ATP6V1B1: variants seen among roughly 807,000 people sequenced by gnomAD.
ATP6V1B1 encodes ATPase H+ transporting V1 subunit B1, also known as V-type proton ATPase subunit B, kidney isoform.
ATP6V1B1 carries 41 observed loss-of-function variants against 62.1 expected under a neutral mutation model. That is an observed-to-expected ratio of 0.66 (90% CI 0.51 to 0.86). The LOEUF is 0.86. Ranked by LOEUF, ATP6V1B1 falls within the 40% of genes least tolerant of loss-of-function variation. ATP6V1B1 has a pLI of 0.00. For synonymous variants in ATP6V1B1, 253 were observed against 273.4 expected (o/e 0.93, Z 0.74); for missense variants, 651 against 697.5 (o/e 0.93, Z 0.75).
rs1680649392 is a variant in ATP6V1B1, at chr2:70,963,887, T to C, written c.1143+233T>C. On this transcript the variant is annotated intron_variant, in intron 11 of 13. Transcript: ENST00000234396. The surrounding 1 kb of genome is among the most constrained non-coding windows in gnomAD (Gnocchi z 4.3). The stretch of plus-strand genomic sequence containing the variant: ...TAATTTCATCTCTTGGATCCTAGGT[T>C]TCCTCATCCATAAAATGGGAATAAT... Among the ~76,000 whole-genome samples the C allele has an allele frequency of 6.6e-6, 1 of 152,216 alleles. No homozygotes were observed.
At chr2:70,954,922 A>C (rs1680400061) in intron 2 of ATP6V1B1, among the ~76,000 whole-genome samples, 1 of 152,204 alleles carries the variant, frequency 6.6e-6, no homozygotes, top group African/African-American at 2.4e-5. Flanking sequence ...TATGGGGCTT[A>C]GATCTCTTGG....
chr2:70,952,721 T>C (rs1680348604), intron 2 of ATP6V1B1, among the ~76,000 whole-genome samples: 1 of 152,218 alleles, frequency 6.6e-6, no homozygotes, highest in African/African-American at 2.4e-5. Context: ...TCTGCATCTA[T>C]ATTAATAAGA....
intron 2 of ATP6V1B1, among the ~76,000 whole-genome samples, chr2:70,947,094 G>A (rs1262365019): frequency 1.3e-5 from 2 of 152,106 alleles, no homozygotes; most frequent in Admixed American, 6.5e-5. Context: ...TCAAATGTAA[G>A]AACATTTGAG....
At chr2:70,945,472 G>T (rs13400988) in intron 2 of ATP6V1B1, among the ~76,000 whole-genome samples, 23,725 of 151,762 alleles carry the variant, frequency 0.16, 2,165 homozygotes, top group East Asian at 0.48. Flanking sequence ...CTCACAATTA[G>T]TTGGACAAGA....
At chr2:70,941,126 C>A in intron 1 of ATP6V1B1, 1 of 491,944 alleles carries the variant, frequency 2.0e-6, no homozygotes, top group Non-Finnish European at 2.6e-6. Flanking sequence ...CCATATTGCC[C>A]AGGCTGGTCT....
Position 70,964,726 on chromosome 2 carries a change from C to A in ATP6V1B1, c.1249-10C>A, listed in dbSNP as rs1553420748. The A allele has an allele frequency of 1.2e-6, 2 of 1,613,438 alleles. No homozygotes were observed. Among genetic ancestry groups the A allele is most frequent in the Non-Finnish European group, 1.7e-6 (2 of 1,179,940 alleles). On this transcript the variant is annotated splice_polypyrimidine_tract_variant and intron_variant, in intron 12 of 13. Coordinates refer to ENST00000234396, the MANE Select transcript of ATP6V1B1 (RefSeq NM_001692.4). ...CCGCAGCGGCCACCGACGCCTTGCCCCTCCCCCAGTACGCCTGCTATGCCA... is the reference window on the plus strand; with the variant it reads ...CCGCAGCGGCCACCGACGCCTTGCCACTCCCCCAGTACGCCTGCTATGCCA...
At chr2:70,943,823 C>T (rs1553416846) in intron 2 of ATP6V1B1, 110 bp downstream of exon 2, 2 of 1,450,266 alleles carry the variant, frequency 1.4e-6, no homozygotes, top group African/African-American at 2.8e-5. Flanking sequence ...GCCCCCAGGG[C>T]CTGCTCTGTT....
chr2:70,937,295 G>A (rs1429331384), intron 1 of ATP6V1B1, among the ~76,000 whole-genome samples: 1 of 152,128 alleles, frequency 6.6e-6, no homozygotes, highest in Non-Finnish European at 1.5e-5. Context: ...AACTCAGAGG[G>A]TAGCTGAGGG....
intron 2 of ATP6V1B1, chr2:70,956,179 A>C (rs1680427417): frequency 4.2e-6 from 1 of 238,242 alleles, no homozygotes; most frequent in Non-Finnish European, 9.6e-6. Context: ...TATCAATTTG[A>C]CATACATGGC....
At chr2:70,961,190 C>A in intron 7 of ATP6V1B1, 168 bp downstream of exon 7, 2 of 745,788 alleles carry the variant, frequency 2.7e-6, no homozygotes, top group East Asian at 2.8e-5. Flanking sequence ...TCAGGGTGTC[C>A]CAAAGGCAAT....
intron 1 of ATP6V1B1, among the ~76,000 whole-genome samples, chr2:70,943,210 C>G (rs1680049505): frequency 6.6e-6 from 1 of 152,060 alleles, no homozygotes; most frequent in Non-Finnish European, 1.5e-5. Context: ...ACACACACTG[C>G]TCAATCAGTG....
At chr2:70,962,198 G>A (rs1553420214) in intron 8 of ATP6V1B1, among the ~76,000 whole-genome samples, 1 of 152,188 alleles carries the variant, frequency 6.6e-6, no homozygotes, top group East Asian at 1.9e-4. Context: ...GAGAGTGTCT[G>A]AAGCTGAGGT....
chr2:70,944,864 T>TC (rs1463972869), intron 2 of ATP6V1B1, among the ~76,000 whole-genome samples: 8 of 152,126 alleles, frequency 5.3e-5, no homozygotes, highest in Non-Finnish European at 1.0e-4. Flanking sequence ...AGACGGGGTT[T>TC]CCCCGTGTTA....
rs1272166674 is a variant in ATP6V1B1, at chr2:70,940,721, TA to T, written c.119-2936del. ...CCTTCTCAGGAAGTATGGCTGGTGC[TA>T]GGGGTGCAACCCTTTAGGCTGGTCA... On this transcript the variant is annotated intron_variant, in intron 1 of 13. Coordinates refer to ENST00000234396, the MANE Select transcript of ATP6V1B1 (RefSeq NM_001692.4). 4.1e-6 allele frequency: 4 copies of T among 985,472 alleles called. No homozygotes were observed. In the African/African-American group the frequency reaches 7.0e-5, roughly 17 times the overall value. 61.0% of individuals were successfully genotyped at this position (985,472 alleles called of 1,614,324 possible).
At chr2:70,961,218 C>A (rs988708602) in intron 7 of ATP6V1B1, among the ~76,000 whole-genome samples, 196 bp downstream of exon 7, 1 of 152,082 alleles carries the variant, frequency 6.6e-6, no homozygotes, top group Non-Finnish European at 1.5e-5. Flanking sequence ...GTAGGATGGG[C>A]CCTGGGTGGC....
At chr2:70,961,758 C>A in intron 8 of ATP6V1B1, 65 bp downstream of exon 8, 2 of 1,487,522 alleles carry the variant, frequency 1.3e-6, no homozygotes, top group Non-Finnish European at 1.9e-6. Flanking sequence ...CCAAGACCTA[C>A]AGTACCAGGG....
Position 70,963,214 on chromosome 2 carries a change from T to C in ATP6V1B1, c.962T>C (p.Met321Thr), listed in dbSNP as rs2104831785. Residue 321 changes from methionine (M) to threonine (T), a missense_variant, in exon 10 of 14, where the codon ATG (methionine) becomes ACG (threonine). Met to Thr is a moderately conservative substitution (Grantham distance 81). Transcript: ENST00000234396. The surrounding 1 kb of genome is among the most constrained non-coding windows in gnomAD (Gnocchi z 4.3). ...VPGRRGFPGY[M>T]YTDLATIYER... ...GGGCGCCGAGGGTTTCCTGGATATA[T>C]GTACACAGACCTGGCCACCATCTAC... 6.2e-7 allele frequency: 1 copy of C among 1,614,074 alleles called. No individual in the cohort carries two copies. The highest frequency in any genetic ancestry group is 2.2e-5 in the East Asian group (1 of 44,866).
In ATP6V1B1 at chr2:70,965,315, C is replaced by A. The variant is rs1302569047; in HGVS notation, c.*194C>A. The A allele has an allele frequency of 3.1e-5, 23 of 744,372 alleles. No individual in the cohort carries two copies. Among genetic ancestry groups the A allele is most frequent in the Non-Finnish European group, 4.9e-5 (23 of 464,882 alleles). The allele number at this position is 744,372 out of a possible 1,614,324, so 46.1% of individuals were successfully genotyped here. Reference sequence around the variant, plus strand: ...TTTCCCGCGCTCCATGCCTCCCCCTCGACTCCCGGTGCTGCGGAAGAACTG... The same window carrying A: ...TTTCCCGCGCTCCATGCCTCCCCCTAGACTCCCGGTGCTGCGGAAGAACTG... On this transcript the variant is annotated 3_prime_UTR_variant, in exon 14 of 14. Coordinates refer to ENST00000234396, the MANE Select transcript of ATP6V1B1 (RefSeq NM_001692.4).
rs1553419723 is a variant in ATP6V1B1 at position 70,959,893 on chromosome 2, A to T, written c.446-46A>T. On this transcript the variant is annotated intron_variant, in intron 5 of 13. Transcript: ENST00000234396. The surrounding 1 kb of genome is among the most constrained non-coding windows in gnomAD (Gnocchi z 4.2). The stretch of plus-strand genomic sequence containing the variant: ...GGGGTCAGTGTCGAGGAGAGCAGGG[A>T]AGGGTTTGAACCCCTGAGCATGGCT... 6.2e-7 allele frequency: 1 copy of T among 1,613,942 alleles called. No individual in the cohort carries two copies. The highest frequency in any genetic ancestry group is 8.5e-7 in the Non-Finnish European group (1 of 1,179,990).
Sources: allele counts gnomAD v4.1 joint callset (sites outside exome capture counted in the v4.1 genomes callset), GRCh38; gene constraint gnomAD v4.1.1; non-coding constraint Gnocchi (gnomAD v3.1); transcripts MANE v1.5; gene names NCBI Gene and HGNC (gene_info 2026-07-23, HGNC 2026-07-21).